CMIP: variants seen among roughly 807,000 people sequenced by gnomAD.
The protein encoded by CMIP is C-Maf-inducing protein.
CMIP carries 13 observed loss-of-function variants against 97.3 expected under a neutral mutation model. The observed-to-expected ratio is 0.13, with a 90% confidence interval of 0.09 to 0.21. CMIP has a LOEUF of 0.21. CMIP is among the 10% of genes least tolerant of loss of function. The pLI, the probability that CMIP is intolerant of heterozygous loss-of-function variation, is 1.00. For missense variants in CMIP, 847 were observed against 1,024.9 expected (o/e 0.83, Z 2.37); for synonymous variants, 538 against 436.3 (o/e 1.23, Z -2.91).
rs190792195 is a variant in CMIP, at chr16:81,523,674, A to C, written c.300+78133A>C. On this transcript the variant is annotated intron_variant, in intron 1 of 20. Coordinates refer to ENST00000537098, the MANE Select transcript of CMIP (RefSeq NM_198390.3). The stretch of plus-strand genomic sequence containing the variant: ...CATGGTGGCCTAGAACGAAGTCTGG[A>C]AAAGAACCAAGAGGACAGCATCTTT... Among the ~76,000 whole-genome samples the C allele has an allele frequency of 5.9e-3, 892 of 152,328 alleles. 36 individuals are homozygous for C. The highest frequency in any genetic ancestry group is 0.054 in the Admixed American group (822 of 15,304).
chr16:81,629,984 G>T, intron 3 of CMIP, among the ~76,000 whole-genome samples: 1 of 152,204 alleles, frequency 6.6e-6, no homozygotes, highest in East Asian at 1.9e-4. Context: ...TTTTTAGGTG[G>T]CTCTCACCAC....
intron 1 of CMIP, among the ~76,000 whole-genome samples, chr16:81,602,487 G>C (rs545530239): frequency 6.6e-6 from 1 of 152,208 alleles, no homozygotes; most frequent in South Asian, 2.1e-4. Context: ...TTAGCGTGCA[G>C]ATCTGTGAGT....
chr16:81,506,937 C>T (rs1273740878), intron 1 of CMIP, among the ~76,000 whole-genome samples: 17 of 150,934 alleles, frequency 1.1e-4, no homozygotes, highest in Admixed American at 9.9e-4. Flanking sequence ...GGCTCAAAGC[C>T]TTGTTCCTGA....
At chr16:81,447,190 G>T (rs1037766481) in intron 1 of CMIP, among the ~76,000 whole-genome samples, 1 of 151,794 alleles carries the variant, frequency 6.6e-6, no homozygotes, top group Non-Finnish European at 1.5e-5. Flanking sequence ...GGAGACCCCA[G>T]ATCTGGCTTC....
intron 14 of CMIP, among the ~76,000 whole-genome samples, chr16:81,698,987 C>CA (rs1320290077): frequency 6.6e-6 from 1 of 152,236 alleles, no homozygotes; most frequent in African/African-American, 2.4e-5. Context: ...CACAGTGGCT[C>CA]ACGCCTGTAA....
At chr16:81,498,485 C>A (rs969422873) in intron 1 of CMIP, among the ~76,000 whole-genome samples, 16 of 152,214 alleles carry the variant, frequency 1.1e-4, no homozygotes, top group African/African-American at 2.9e-4. Flanking sequence ...CTGCCTCTGC[C>A]CAGTGGTCCT....
intron 9 of CMIP, among the ~76,000 whole-genome samples, chr16:81,673,487 GC>G (rs1463967164): frequency 2.6e-5 from 4 of 152,026 alleles, no homozygotes; most frequent in African/African-American, 9.7e-5. Flanking sequence ...CTGCACTCCA[GC>G]CTGTGCAACA....
At chr16:81,493,371 CGTT>C (rs2089435968) in intron 1 of CMIP, among the ~76,000 whole-genome samples, 1 of 149,978 alleles carries the variant, frequency 6.7e-6, no homozygotes, top group Admixed American at 6.6e-5. Flanking sequence ...CGTTACCTGT[CGTT>C]ACCTGTCGTT....
At chr16:81,478,664 C>T (rs778006579) in intron 1 of CMIP, among the ~76,000 whole-genome samples, 2 of 152,176 alleles carry the variant, frequency 1.3e-5, no homozygotes, top group African/African-American at 2.4e-5. Context: ...CACCCCAGAG[C>T]CTCCCGGTGG....
chr16:81,684,393 G>T (rs1470126844), intron 10 of CMIP, among the ~76,000 whole-genome samples: 1 of 152,230 alleles, frequency 6.6e-6, no homozygotes, highest in Non-Finnish European at 1.5e-5. Context: ...CCAAGCATCA[G>T]GCCACCGTGA....
rs1186102811 is a variant in CMIP at position 81,445,239 on chromosome 16, G to T, written c.-3G>T. ...GCCCCCAGCCCCCTCCCCCGGCGCG[G>T]CCATGGATGTGACCAGCAGCTCGGG... On this transcript the variant is annotated 5_prime_UTR_variant, in exon 1 of 21. Transcript: ENST00000537098. 5.9e-6 allele frequency: 9 copies of T among 1,524,728 alleles called. No homozygotes were observed. The highest frequency in any genetic ancestry group is 2.0e-5 in the Admixed American group (1 of 50,302). 94.4% of individuals were successfully genotyped at this position (1,524,728 alleles called of 1,614,324 possible). A position where few individuals can be genotyped will look rare whatever the true frequency, so the allele number is the denominator to read the frequency against.
intron 1 of CMIP, among the ~76,000 whole-genome samples, chr16:81,452,959 T>C (rs115850077): frequency 1.4e-5 from 2 of 145,032 alleles, no homozygotes; most frequent in African/African-American, 2.5e-5. Flanking sequence ...TAGCAGTGCC[T>C]TAAGAGATTC....
intron 1 of CMIP, among the ~76,000 whole-genome samples, chr16:81,583,563 G>T (rs188409447): frequency 3.3e-5 from 5 of 152,332 alleles, no homozygotes; most frequent in Admixed American, 3.3e-4. Context: ...TCACGGCCGG[G>T]TCACAGACGT....
At chr16:81,509,782 C>G (rs974201255) in intron 1 of CMIP, among the ~76,000 whole-genome samples, 10 of 152,190 alleles carry the variant, frequency 6.6e-5, no homozygotes, top group Non-Finnish European at 1.5e-4. Context: ...GGGGCTGGGT[C>G]TTAACTGGGA....
In CMIP at chr16:81,454,121, A is replaced by C. The variant is rs149259467; in HGVS notation, c.300+8580A>C. 1.2e-4 allele frequency among the ~76,000 whole-genome samples: 18 copies of C among 152,288 alleles called. No homozygotes were observed. The East Asian group carries it at 3.5e-3, about 29-fold the overall frequency. The stretch of plus-strand genomic sequence containing the variant: ...TTGGGGGCATTTCGGCCAAGCTTGC[A>C]GTCTTCTCTGGTGGGGAATAAAGTA... On this transcript the variant is annotated intron_variant, in intron 1 of 20. Transcript: ENST00000537098.
intron 1 of CMIP, among the ~76,000 whole-genome samples, chr16:81,607,210 G>T (rs866019839): frequency 6.6e-6 from 1 of 152,370 alleles, no homozygotes; most frequent in Middle Eastern, 3.4e-3. Flanking sequence ...CTGGGCAGGA[G>T]AAGGTGGTGG....
At chr16:81,564,635 C>G (rs907577421) in intron 1 of CMIP, among the ~76,000 whole-genome samples, 1 of 152,190 alleles carries the variant, frequency 6.6e-6, no homozygotes, top group African/African-American at 2.4e-5. Context: ...AGAGTGTGCT[C>G]TTGAGACAAT....
At chr16:81,707,913 C>G (rs1908329870) in intron 20 of CMIP, among the ~76,000 whole-genome samples, 1 of 152,238 alleles carries the variant, frequency 6.6e-6, no homozygotes, top group Non-Finnish European at 1.5e-5. Flanking sequence ...GCTCTGGAAG[C>G]TACTTAGAGG....
chr16:81,491,556 G>A (rs1159235473), intron 1 of CMIP, among the ~76,000 whole-genome samples: 2 of 151,992 alleles, frequency 1.3e-5, no homozygotes, highest in African/African-American at 2.4e-5. Context: ...AAAAGAAGAC[G>A]AAAAAAACCT....
Sources: gnomAD v4.1 joint callset for allele counts (sites outside exome capture counted in the v4.1 genomes callset) on GRCh38, gnomAD v4.1.1 for gene constraint, MANE v1.5 for transcripts, NCBI Gene and HGNC (gene_info 2026-07-23, HGNC 2026-07-21) for gene names.